The following ADARB2 variants were observed in gnomAD, a reference collection of about 807,000 sequenced individuals.
ADARB2 encodes inactive double-stranded RNA-specific editase B2.
ADARB2 carries 25 observed loss-of-function variants against 62.2 expected under a neutral mutation model. The observed-to-expected ratio is 0.40, with a 90% CI of 0.29 to 0.56. The LOEUF is 0.56. ADARB2 is among the 20% of genes least tolerant of loss of function. ADARB2 has a pLI of 0.43. For missense variants in ADARB2, 1,071 were observed against 1,077.4 expected (o/e 0.99, Z 0.08); for synonymous variants, 572 against 500.8 (o/e 1.14, Z -1.90).
At chr10:1,348,820 C>T (rs1832106407) in intron 3 of ADARB2, among the ~76,000 whole-genome samples, 1 of 152,200 alleles carries the variant, frequency 6.6e-6, no homozygotes. Context: ...CCAGGGCTGT[C>T]CCCTCAGTGA....
intron 1 of ADARB2, among the ~76,000 whole-genome samples, chr10:1,719,802 G>C (rs1835066465): frequency 6.6e-6 from 1 of 152,184 alleles, no homozygotes; most frequent in African/African-American, 2.4e-5. Context: ...CATTGAACGT[G>C]ACTAATCATT....
chr10:1,253,291 C>T (rs562848737), intron 4 of ADARB2, among the ~76,000 whole-genome samples: 1 of 152,128 alleles, frequency 6.6e-6, no homozygotes, highest in African/African-American at 2.4e-5. Context: ...TAGAATAACA[C>T]ACAAAAAACC....
intron 1 of ADARB2, among the ~76,000 whole-genome samples, chr10:1,570,504 A>T (rs1832921001): frequency 6.6e-6 from 1 of 152,170 alleles, no homozygotes; most frequent in African/African-American, 2.4e-5. Context: ...TGTGTCTCTA[A>T]GCCTGGTGGC....
At chr10:1,213,508 T>C (rs546932130) in intron 7 of ADARB2, among the ~76,000 whole-genome samples, 1 of 152,036 alleles carries the variant, frequency 6.6e-6, no homozygotes, top group Non-Finnish European at 1.5e-5. Context: ...GGCACCCCCC[T>C]GTCCACTGCA....
At chr10:1,710,967 C>T (rs1588362056) in intron 1 of ADARB2, among the ~76,000 whole-genome samples, 1 of 152,174 alleles carries the variant, frequency 6.6e-6, no homozygotes, top group African/African-American at 2.4e-5. Context: ...TTTGGCCCAA[C>T]CCCCTGTGCT....
intron 1 of ADARB2, among the ~76,000 whole-genome samples, chr10:1,503,972 C>CA (rs148028561): frequency 8.9e-4 from 135 of 152,266 alleles, no homozygotes; most frequent in African/African-American, 3.1e-3. Flanking sequence ...ATACATGGCC[C>CA]AATCTCAGGT....
chr10:1,680,704 C>T (rs1350450284), intron 1 of ADARB2, among the ~76,000 whole-genome samples: 1 of 152,184 alleles, frequency 6.6e-6, no homozygotes, highest in East Asian at 1.9e-4. Context: ...ATCTTCAGGA[C>T]AGTTTTGCTT....
Position 1,625,462 on chromosome 10 carries a change from A to G in ADARB2, c.100+111589T>C, listed in dbSNP as rs573185945. 1.3e-3 allele frequency among the ~76,000 whole-genome samples: 193 copies of G among 152,308 alleles called. 2 individuals are homozygous for G. The highest frequency in any genetic ancestry group is 4.3e-3 in the African/African-American group (177 of 41,570). ...GTGTTTAGTGCCCTGGATGGAAACA[A>G]TGCTGGGATCCCAGTGAACAGACGG... On this transcript the variant is annotated intron_variant, in intron 1 of 9. Coordinates refer to ENST00000381312, the MANE Select transcript of ADARB2 (RefSeq NM_018702.4).
At chr10:1,594,263 C>A (rs1833303637) in intron 1 of ADARB2, among the ~76,000 whole-genome samples, 2 of 152,142 alleles carry the variant, frequency 1.3e-5, no homozygotes, top group South Asian at 4.1e-4. Context: ...TGCACTCCAG[C>A]CTGGGTGATA....
intron 5 of ADARB2, among the ~76,000 whole-genome samples, chr10:1,240,714 A>AG (rs1564232578): frequency 1.3e-5 from 2 of 151,466 alleles, no homozygotes; most frequent in Non-Finnish European, 1.5e-5. Flanking sequence ...CTGTCTGTGG[A>AG]CCCCCCCAGC....
At chr10:1,200,873 C>T (rs560625309) in intron 7 of ADARB2, among the ~76,000 whole-genome samples, 29 of 152,296 alleles carry the variant, frequency 1.9e-4, no homozygotes, top group South Asian at 8.3e-4. Context: ...GCAAGCGTTA[C>T]GTAGCTAATT....
intron 1 of ADARB2, among the ~76,000 whole-genome samples, chr10:1,445,432 C>T (rs1270391357): frequency 3.4e-5 from 5 of 147,694 alleles, no homozygotes; most frequent in Admixed American, 6.7e-5. Flanking sequence ...CATCTATCCA[C>T]GCATCTATCC....
intron 1 of ADARB2, among the ~76,000 whole-genome samples, chr10:1,425,664 G>T (rs1350080906): frequency 6.6e-6 from 1 of 152,184 alleles, no homozygotes; most frequent in African/African-American, 2.4e-5. Flanking sequence ...AGCCTCTCAA[G>T]TTGCCAACCC....
At chr10:1,732,130 G>A (rs1360812264) in intron 1 of ADARB2, among the ~76,000 whole-genome samples, 2 of 151,662 alleles carry the variant, frequency 1.3e-5, no homozygotes, top group Admixed American at 1.3e-4. Flanking sequence ...AAAGAAGTAG[G>A]GGGTATAAAA....
At chr10:1,615,102 G>T (rs1874996) in intron 1 of ADARB2, among the ~76,000 whole-genome samples, 109,228 of 152,012 alleles carry the variant, frequency 0.72, 39,460 homozygotes, top group African/African-American at 0.81. Flanking sequence ...GAGGCCTGAA[G>T]TTTTAAATTT....
intron 1 of ADARB2, among the ~76,000 whole-genome samples, chr10:1,544,566 A>G (rs902952662): frequency 1.8e-4 from 28 of 152,138 alleles, no homozygotes; most frequent in Non-Finnish European, 4.0e-4. Context: ...GGCCGGGCAC[A>G]GCAGGTGGTG....
At chr10:1,643,133 G>A (rs1026671260) in intron 1 of ADARB2, among the ~76,000 whole-genome samples, 1 of 152,114 alleles carries the variant, frequency 6.6e-6, no homozygotes, top group African/African-American at 2.4e-5. Context: ...CAGCAAAACT[G>A]GAATTTAAAA....
intron 4 of ADARB2, among the ~76,000 whole-genome samples, chr10:1,245,891 T>C (rs1589164426): frequency 1.3e-5 from 2 of 151,772 alleles, no homozygotes; most frequent in East Asian, 3.9e-4. Context: ...TTTCTAGTTC[T>C]AGATCCCTGA....
At chr10:1,572,861 G>A (rs1832959210) in intron 1 of ADARB2, among the ~76,000 whole-genome samples, 1 of 152,198 alleles carries the variant, frequency 6.6e-6, no homozygotes, top group African/African-American at 2.4e-5. Flanking sequence ...TGCTCCTAGT[G>A]CTCTTCTGCA....
Sources: allele counts gnomAD v4.1 joint callset (sites outside exome capture counted in the v4.1 genomes callset), GRCh38; gene constraint gnomAD v4.1.1; transcripts MANE v1.5; gene names NCBI Gene and HGNC (gene_info 2026-07-23, HGNC 2026-07-21).